TNNI3K: variants seen among roughly 807,000 people sequenced by gnomAD.
The protein encoded by TNNI3K is TNNI3 interacting kinase, also known as serine/threonine-protein kinase TNNI3K.
A neutral mutation model predicts 114.5 loss-of-function variants in TNNI3K; 140 were observed. The ratio of observed to expected loss-of-function variants is 1.22; its 90% CI spans 1.07 to 1.41. The LOEUF (loss-of-function observed/expected upper bound fraction) is 1.41. TNNI3K is among the 40% of genes most tolerant of loss of function. TNNI3K has a pLI of 0.00. For synonymous variants in TNNI3K, 347 were observed against 347.5 expected, an observed-to-expected ratio of 1.00 and a Z score of 0.02; for missense variants, 1,125 against 1,007.6, an observed-to-expected ratio of 1.12 and a Z score of -1.58.
At position 74,272,999 on chromosome 1, in the gene TNNI3K, T is replaced by TA. The variant is rs1656445698; in HGVS notation, c.444+1291_444+1292insA. 3.3e-3 allele frequency among the ~76,000 whole-genome samples: 3 copies of TA among 920 alleles called. No individual in the cohort carries two copies. In the East Asian group the frequency reaches 0.3, roughly 92 times the overall value. 0.6% of individuals were successfully genotyped at this position (920 alleles called of 152,430 possible). On this transcript the variant is annotated intron_variant, in intron 5 of 24. Coordinates refer to ENST00000326637, the MANE Select transcript of TNNI3K (RefSeq NM_015978.3). ...TGACATCCTTATTATTAAATAGTTA[T>TA]GTTCCCCCTTTTAGTCATGTTGCAA... is the stretch of plus-strand genomic sequence containing the variant.
intron 4 of TNNI3K, among the ~76,000 whole-genome samples, chr1:74,257,966 C>T (rs909035286): frequency 1.3e-5 from 2 of 152,090 alleles, no homozygotes; most frequent in African/African-American, 4.8e-5. Context: ...CGTGCCCGGC[C>T]GCCTCTCGGC....
chr1:74,350,875 G>A (rs1450840598), intron 9 of TNNI3K, among the ~76,000 whole-genome samples: 4 of 151,860 alleles, frequency 2.6e-5, no homozygotes, highest in Admixed American at 2.0e-4. Flanking sequence ...CACGTGAGAT[G>A]GGTTTCCTGA....
Position 74,451,657 on chromosome 1 carries a change from T to TTTTTCTTTTCTTTTCTTTTC in TNNI3K, c.2012-11770_2012-11751dup, listed in dbSNP as rs1553148015. Reference sequence around the variant, plus strand: ...CTTTTTCTTTCTTTCTTTCCTTTCTTTTTTCTTTTCTTTTCTTTTCTTTTC... The same window carrying TTTTTCTTTTCTTTTCTTTTC: ...CTTTTTCTTTCTTTCTTTCCTTTCTTTTTTCTTTTCTTTTCTTTTCTTTTCTTTTCTTTTCTTTTCTTTTC... On this transcript the variant is annotated intron_variant, in intron 20 of 24. Coordinates refer to ENST00000326637, the MANE Select transcript of TNNI3K (RefSeq NM_015978.3). Among the ~76,000 whole-genome samples, 27 of 53,118 alleles carry TTTTTCTTTTCTTTTCTTTTC rather than the reference T, an allele frequency of 5.1e-4. 3 individuals are homozygous for TTTTTCTTTTCTTTTCTTTTC. Among genetic ancestry groups the TTTTTCTTTTCTTTTCTTTTC allele is most frequent in the African/African-American group, 1.0e-3 (19 of 19,048 alleles). The allele number at this position is 53,118 out of a possible 152,430, so 34.8% of individuals were successfully genotyped here. A position where few individuals can be genotyped will look rare whatever the true frequency, so the allele number is the denominator to read the frequency against.
chr1:74,336,105 T>G lies in TNNI3K; in HGVS notation c.638T>G (p.Leu213Trp). Reference protein sequence around the residue: ...PLHLASAKGFLNIAKLLMEEG... With the variant: ...PLHLASAKGFWNIAKLLMEEG... The stretch of plus-strand genomic sequence containing the variant: ...CACCTAGCATCTGCAAAAGGATTCT[T>G]GAATATTGCAAAACTCTTGATGGAA... Residue 213 changes from leucine to tryptophan, a missense_variant, in exon 7 of 25, where the codon TTG becomes TGG. Transcript: ENST00000326637. The G allele has an allele frequency of 6.2e-7, 1 of 1,605,400 alleles. No homozygotes were observed. The highest frequency in any genetic ancestry group is 8.5e-7 in the Non-Finnish European group (1 of 1,177,452).
rs971911939 is a variant in TNNI3K at position 74,492,106 on chromosome 1, C to T, written c.2191C>T (p.Pro731Ser). Residue 731 changes from proline (P) to serine (S), a missense_variant, in exon 23 of 25, where the codon CCT becomes TCT. Physicochemically the swap from Pro to Ser is moderately conservative, Grantham distance 74. Transcript: ENST00000326637. ...CCCCTCCTCCACTCAGCTGATGTCT[C>T]CTGCATCAAGTAACAGCAGTGGGTC... ...ECLCNIELMS[P>S]ASSNSSGSLS... 4 of 1,605,196 alleles carry T rather than the reference C, an allele frequency of 2.5e-6. No homozygotes were observed. In the South Asian group the frequency reaches 3.3e-5, roughly 13 times the overall value.
intron 7 of TNNI3K, among the ~76,000 whole-genome samples, chr1:74,337,696 C>G (rs1360934035): frequency 6.6e-6 from 1 of 152,002 alleles, no homozygotes; most frequent in Non-Finnish European, 1.5e-5. Context: ...TTTCCCTTAT[C>G]TTATCTTTCC....
chr1:74,386,518 ATAAAT>A (rs1394366150), intron 17 of TNNI3K, among the ~76,000 whole-genome samples: 1 of 152,282 alleles, frequency 6.6e-6, no homozygotes, highest in Admixed American at 6.5e-5. Flanking sequence ...AAAAAATACA[ATAAAT>A]TAATTAATTT....
chr1:74,369,328 A>G (rs1662464907), intron 15 of TNNI3K, 63 bp from the exon 16 acceptor site: 4 of 1,605,870 alleles, frequency 2.5e-6, no homozygotes, highest in Non-Finnish European at 3.4e-6. Context: ...AAGCATGTGC[A>G]TGGCAAGCCC....
intron 4 of TNNI3K, among the ~76,000 whole-genome samples, chr1:74,258,233 A>C (rs1570382796): frequency 6.6e-6 from 1 of 152,246 alleles, no homozygotes; most frequent in Middle Eastern, 3.4e-3. Flanking sequence ...GCTCAACAAT[A>C]CATAATGGAT....
intron 12 of TNNI3K, 35 bp downstream of exon 12, chr1:74,367,377 T>G (rs772701305): frequency 6.2e-7 from 1 of 1,605,154 alleles, no homozygotes; most frequent in Non-Finnish European, 8.5e-7. Flanking sequence ...CATTATTGTA[T>G]AATATATTGT....
chr1:74,289,819 G>A (rs1657565742), intron 5 of TNNI3K, among the ~76,000 whole-genome samples: 1 of 151,768 alleles, frequency 6.6e-6, no homozygotes, highest in Non-Finnish European at 1.5e-5. Context: ...CTAATACATT[G>A]GCAAACCAAA....
intron 20 of TNNI3K, among the ~76,000 whole-genome samples, chr1:74,443,638 AC>A (rs1357126606): frequency 2.6e-5 from 4 of 151,960 alleles, no homozygotes; most frequent in African/African-American, 4.8e-5. Context: ...AAAAGGAAGG[AC>A]TCCTCCCTAA....
intron 21 of TNNI3K, among the ~76,000 whole-genome samples, chr1:74,484,947 G>T (rs1462612419): frequency 2.0e-5 from 3 of 152,164 alleles, no homozygotes; most frequent in African/African-American, 7.2e-5. Context: ...ACAAGGAAGG[G>T]ATGATGTGGT....
At chr1:74,244,692 A>G (rs1201713442) in intron 2 of TNNI3K, among the ~76,000 whole-genome samples, 1 of 150,092 alleles carries the variant, frequency 6.7e-6, no homozygotes, top group Non-Finnish European at 1.5e-5. Flanking sequence ...TGAGTAGTTT[A>G]TATCAAGGAG....
intron 23 of TNNI3K, among the ~76,000 whole-genome samples, chr1:74,501,492 G>T (rs962132122): frequency 2.6e-5 from 4 of 151,674 alleles, no homozygotes; most frequent in Non-Finnish European, 5.9e-5. Flanking sequence ...TTGTTTGTTT[G>T]TTTGTTTGTT....
chr1:74,236,937 C>A (rs964479486), intron 2 of TNNI3K, among the ~76,000 whole-genome samples: 1 of 151,824 alleles, frequency 6.6e-6, no homozygotes, highest in Non-Finnish European at 1.5e-5. Context: ...TCCATATAGG[C>A]CAATTAGCCA....
intron 11 of TNNI3K, among the ~76,000 whole-genome samples, chr1:74,365,592 G>A (rs1570527582): frequency 6.6e-6 from 1 of 152,066 alleles, no homozygotes; most frequent in African/African-American, 2.4e-5. Context: ...CCTTGCTTGT[G>A]TAGCCACACT....
At chr1:74,268,788 A>C (rs549468126) in intron 4 of TNNI3K, among the ~76,000 whole-genome samples, 2 of 151,812 alleles carry the variant, frequency 1.3e-5, no homozygotes, top group African/African-American at 2.4e-5. Flanking sequence ...ATGCAGCTCA[A>C]ATTTAACATG....
chr1:74,307,017 T>A (rs1024579803), intron 5 of TNNI3K, among the ~76,000 whole-genome samples: 4 of 152,238 alleles, frequency 2.6e-5, no homozygotes, highest in African/African-American at 9.6e-5. Context: ...CTTTAACCCA[T>A]CTTGAATTAA....
Sources: gnomAD v4.1 joint callset for allele counts (sites outside exome capture counted in the v4.1 genomes callset) on GRCh38, gnomAD v4.1.1 for gene constraint, MANE v1.5 for transcripts, NCBI Gene and HGNC (gene_info 2026-07-23, HGNC 2026-07-21) for gene names.